PKHD1: variants seen among roughly 807,000 people sequenced by gnomAD.
The protein encoded by PKHD1 is PKHD1 ciliary IPT domain containing fibrocystin/polyductin, also known as fibrocystin.
Under a neutral mutation model 412.0 loss-of-function variants are expected in PKHD1, and 291 were observed. The observed-to-expected ratio is 0.71, with a 90% CI of 0.64 to 0.78. The LOEUF (loss-of-function observed/expected upper bound fraction) is 0.78. Ranked by LOEUF, PKHD1 falls within the 30% of genes least tolerant of loss-of-function variation. PKHD1 has a pLI of 0.00. For missense variants in PKHD1, 4,825 were observed against 4,950.7 expected (o/e 0.97, Z 0.76); for synonymous variants, 1,777 against 1,821.5 (o/e 0.98, Z 0.62).
At chr6:51,934,417 C>T in intron 36 of PKHD1, 95 bp from the exon 37 acceptor site, 1 of 795,894 alleles carries the variant, frequency 1.3e-6, no homozygotes, top group Non-Finnish European at 2.2e-6. Context: ...CATTTAAATA[C>T]TTCTGCTGGA....
At chr6:51,894,722 T>C (rs368068583) in intron 43 of PKHD1, among the ~76,000 whole-genome samples, 5 of 152,144 alleles carry the variant, frequency 3.3e-5, no homozygotes, top group Admixed American at 3.3e-4. Context: ...GCTTTCAGAG[T>C]TGGTTGCCCA....
chr6:51,953,170 G>A (rs928247405), intron 36 of PKHD1, among the ~76,000 whole-genome samples: 1 of 151,850 alleles, frequency 6.6e-6, no homozygotes, highest in African/African-American at 2.4e-5. Flanking sequence ...TACAAAAGAG[G>A]GCAATTCAGT....
At position 51,953,405 on chromosome 6, in the gene PKHD1, G is replaced by A. The variant is rs1487504767; in HGVS notation, c.5908+6465C>T. 3.3e-5 allele frequency among the ~76,000 whole-genome samples: 5 copies of A among 152,006 alleles called. No individual in the cohort carries two copies. The East Asian group carries it at 9.7e-4, about 29-fold the overall frequency. Reference sequence around the variant, plus strand: ...ATGAAGTCTTGAAACTATAGGCAGAGGGTAAAATGCCAAGTGACTCACACA... The same window carrying A: ...ATGAAGTCTTGAAACTATAGGCAGAAGGTAAAATGCCAAGTGACTCACACA... On this transcript the variant is annotated intron_variant, in intron 36 of 66. Transcript: ENST00000371117.
intron 55 of PKHD1, among the ~76,000 whole-genome samples, chr6:51,757,722 C>A (rs979371902): frequency 2.0e-5 from 3 of 151,956 alleles, no homozygotes; most frequent in African/African-American, 7.3e-5. Context: ...CTATATAAGG[C>A]CAGGTACAGT....
chr6:52,053,886 T>A, intron 20 of PKHD1, 152 bp downstream of exon 20: 3 of 784,768 alleles, frequency 3.8e-6, no homozygotes, highest in Non-Finnish European at 4.3e-6. Flanking sequence ...GGAGTCAAAC[T>A]TTTTTGTCAA....
At chr6:51,943,405 A>C (rs1788897969) in intron 36 of PKHD1, among the ~76,000 whole-genome samples, 2 of 151,216 alleles carry the variant, frequency 1.3e-5, no homozygotes, top group African/African-American at 4.8e-5. Flanking sequence ...AAAAAAAAAA[A>C]AAACTCATCA....
rs149801083 is a variant in PKHD1 at position 52,052,872 on chromosome 6, G to A, written c.2140+204C>T. On this transcript the variant is annotated intron_variant, in intron 21 of 66. Coordinates refer to ENST00000371117, the MANE Select transcript of PKHD1 (RefSeq NM_138694.4). ...CAGACACCAGAAGTAAGAGAAAATC[G>A]TGGGGAAAATAGGAAAGAAGAGGGA... 3.3e-5 allele frequency among the ~76,000 whole-genome samples: 5 copies of A among 152,152 alleles called. No individual in the cohort carries two copies. The East Asian group carries it at 7.7e-4, about 24-fold the overall frequency.
At chr6:51,869,337 C>A (rs1006883707) in intron 47 of PKHD1, among the ~76,000 whole-genome samples, 2 of 152,154 alleles carry the variant, frequency 1.3e-5, no homozygotes, top group Non-Finnish European at 2.9e-5. Context: ...AGAATAACCT[C>A]TATGAGCTCT....
At chr6:51,650,571 A>G (rs1362681990) in intron 61 of PKHD1, among the ~76,000 whole-genome samples, 1 of 152,164 alleles carries the variant, frequency 6.6e-6, no homozygotes, top group Non-Finnish European at 1.5e-5. Flanking sequence ...TTTATTTAAT[A>G]TGGAGGGTGC....
At chr6:51,868,596 G>A (rs1775463059) in intron 47 of PKHD1, among the ~76,000 whole-genome samples, 2 of 151,018 alleles carry the variant, frequency 1.3e-5, no homozygotes, top group Non-Finnish European at 3.0e-5. Context: ...TGGTCTAGTG[G>A]GAAATAGAAG....
intron 55 of PKHD1, 147 bp from the exon 56 acceptor site, chr6:51,755,085 G>A: frequency 1.3e-6 from 1 of 762,668 alleles, no homozygotes; most frequent in Non-Finnish European, 2.3e-6. Flanking sequence ...AGTGGAAAAA[G>A]GCTTTCGCAA....
At position 51,817,479 on chromosome 6, in the gene PKHD1, G is replaced by A. The variant is rs146740362; in HGVS notation, c.8302+13382C>T. ...ACTTCCTGCCCTATGATATACTGAGGGGAGAGGGAAGGGGACTGGTGTGTC... is the reference window on the plus strand; with the variant it reads ...ACTTCCTGCCCTATGATATACTGAGAGGAGAGGGAAGGGGACTGGTGTGTC... On this transcript the variant is annotated intron_variant, in intron 52 of 66. Transcript: ENST00000371117. 1.3e-3 allele frequency among the ~76,000 whole-genome samples: 197 copies of A among 152,230 alleles called. 1 individual carries two copies. Among genetic ancestry groups the A allele is most frequent in the African/African-American group, 4.4e-3 (184 of 41,538 alleles).
chr6:51,723,441 C>T, intron 60 of PKHD1, among the ~76,000 whole-genome samples: 1 of 152,162 alleles, frequency 6.6e-6, no homozygotes, highest in South Asian at 2.1e-4. Context: ...TCTGGCCTTT[C>T]TAATTACCTG....
chr6:51,760,612 G>A (rs1351500579), intron 55 of PKHD1, among the ~76,000 whole-genome samples: 1 of 152,044 alleles, frequency 6.6e-6, no homozygotes, highest in African/African-American at 2.4e-5. Flanking sequence ...GGTACTTAAG[G>A]AGCCAGTACA....
At chr6:51,901,221 G>T (rs531995304) in intron 43 of PKHD1, among the ~76,000 whole-genome samples, 3 of 152,088 alleles carry the variant, frequency 2.0e-5, no homozygotes, top group Admixed American at 1.3e-4. Flanking sequence ...ACATGCACAC[G>T]TATGTTTATT....
intron 60 of PKHD1, among the ~76,000 whole-genome samples, chr6:51,699,188 A>C (rs1007567716): frequency 5.3e-5 from 8 of 152,208 alleles, no homozygotes; most frequent in African/African-American, 1.9e-4. Context: ...AATCAGGACA[A>C]AAAACAATTC....
Position 51,748,592 on chromosome 6 carries a change from A to G in PKHD1, c.9024T>C (p.Asn3008=). Residue 3008 remains asparagine (N), a synonymous_variant, in exon 58 of 67, where the codon AAT becomes AAC. Coordinates refer to ENST00000371117, the MANE Select transcript of PKHD1 (RefSeq NM_138694.4). ...ATATGATCCAGGATCCTGCTGACACATTACTGAATTCAACAGATGAGTACA... is the reference window on the plus strand; with the variant it reads ...ATATGATCCAGGATCCTGCTGACACGTTACTGAATTCAACAGATGAGTACA... ...SPLYSSVEFS[N]VSAGSWIISS... The G allele has an allele frequency of 6.2e-7, 1 of 1,613,494 alleles. No homozygotes were observed. Among genetic ancestry groups the G allele is most frequent in the Non-Finnish European group, 8.5e-7 (1 of 1,179,572 alleles).
chr6:51,686,948 G>A (rs1582084325), intron 60 of PKHD1, among the ~76,000 whole-genome samples: 1 of 152,098 alleles, frequency 6.6e-6, no homozygotes, highest in East Asian at 1.9e-4. Flanking sequence ...GTCTTTCAGA[G>A]GCCAGATATG....
chr6:51,744,775 C>T (rs1373336727), intron 59 of PKHD1, among the ~76,000 whole-genome samples: 1 of 152,028 alleles, frequency 6.6e-6, no homozygotes, highest in Non-Finnish European at 1.5e-5. Flanking sequence ...AATATGTAAT[C>T]TTTATATAGA....
Sources: gnomAD v4.1 joint callset for allele counts (sites outside exome capture counted in the v4.1 genomes callset) on GRCh38, gnomAD v4.1.1 for gene constraint, MANE v1.5 for transcripts, NCBI Gene and HGNC (gene_info 2026-07-23, HGNC 2026-07-21) for gene names.